CUBN: variants seen among roughly 807,000 people sequenced by gnomAD.
CUBN encodes 460 kDa receptor.
Under a neutral mutation model 405.3 loss-of-function variants are expected in CUBN, and 282 were observed. The ratio of observed to expected loss-of-function variants is 0.70; its 90% CI spans 0.63 to 0.77. The LOEUF is 0.77. Ranked by LOEUF, CUBN falls within the 30% of genes least tolerant of loss-of-function variation. The probability of loss-of-function intolerance (pLI) is 0.00; values close to 1 mark genes in which losing one functional copy is unlikely to be tolerated. For synonymous variants in CUBN, 1,684 were observed against 1,617.0 expected (o/e 1.04, Z -0.99); for missense variants, 4,514 against 4,475.2 (o/e 1.01, Z -0.25).
intron 40 of CUBN, among the ~76,000 whole-genome samples, chr10:16,929,018 T>TGAGC (rs1842292989): frequency 1.3e-5 from 2 of 151,276 alleles, no homozygotes; most frequent in Non-Finnish European, 2.9e-5. Context: ...AAAAAACAGT[T>TGAGC]GGCTCTTTGA....
chr10:16,852,081 TTCCC>T (rs1483175216), intron 59 of CUBN, among the ~76,000 whole-genome samples: 23 of 88,700 alleles, frequency 2.6e-4, no homozygotes, highest in African/African-American at 1.0e-3. Context: ...TCCATCATCT[TTCCC>T]TCCCTCCCTC....
At chr10:16,945,884 T>C (rs193120072) in intron 36 of CUBN, among the ~76,000 whole-genome samples, 4 of 151,956 alleles carry the variant, frequency 2.6e-5, no homozygotes, top group South Asian at 2.1e-4. Context: ...AGGCCACTTA[T>C]ACCCTGAAGA....
At chr10:17,021,949 A>G (rs1210704575) in intron 27 of CUBN, among the ~76,000 whole-genome samples, 4 of 152,156 alleles carry the variant, frequency 2.6e-5, no homozygotes, top group Admixed American at 2.0e-4. Context: ...GCTTTGATAA[A>G]GGCAGGTTCC....
intron 22 of CUBN, among the ~76,000 whole-genome samples, chr10:17,060,151 C>T (rs777363226): frequency 1.7e-4 from 26 of 151,218 alleles, no homozygotes; most frequent in Non-Finnish European, 3.4e-4. Context: ...CATGGAGTTT[C>T]GCTCTTGTTG....
At chr10:17,082,300 A>C (rs760925940) in intron 17 of CUBN, among the ~76,000 whole-genome samples, 9 of 152,248 alleles carry the variant, frequency 5.9e-5, no homozygotes, top group Non-Finnish European at 1.0e-4. Flanking sequence ...AAATGAACTA[A>C]AATAAGAAGT....
At chr10:16,967,974 G>GGAGA (rs1396239239) in intron 31 of CUBN, among the ~76,000 whole-genome samples, 2 of 130,864 alleles carry the variant, frequency 1.5e-5, no homozygotes, top group Non-Finnish European at 3.3e-5. Flanking sequence ...AGAAAGACAG[G>GGAGA]GAGAGAGAGA....
In CUBN at chr10:17,020,413, T is replaced by C. The variant is rs191440698; in HGVS notation, c.4018-430A>G. On this transcript the variant is annotated intron_variant, in intron 27 of 66. Transcript: ENST00000377833. ...TAGGTGTATATATTTATAGGGTACA[T>C]GAGATACTTTGACACAGGCATGCAA... Among the ~76,000 whole-genome samples the C allele has an allele frequency of 7.2e-5, 11 of 152,314 alleles. No individual in the cohort carries two copies. In the East Asian group the frequency reaches 1.9e-3, roughly 27 times the overall value.
At chr10:16,900,282 G>A (rs1473419407) in intron 53 of CUBN, among the ~76,000 whole-genome samples, 2 of 152,206 alleles carry the variant, frequency 1.3e-5, no homozygotes, top group Admixed American at 1.3e-4. Flanking sequence ...TATTACTTGA[G>A]ATTCCCAGGT....
chr10:16,892,030 C>G (rs1374191104), intron 54 of CUBN, among the ~76,000 whole-genome samples: 3 of 152,162 alleles, frequency 2.0e-5, no homozygotes, highest in African/African-American at 7.2e-5. Flanking sequence ...AAACACATCT[C>G]TTCTCAAGGA....
At chr10:17,036,688 T>C (rs1834909262) in intron 27 of CUBN, among the ~76,000 whole-genome samples, 1 of 152,082 alleles carries the variant, frequency 6.6e-6, no homozygotes, top group African/African-American at 2.4e-5. Flanking sequence ...TTAACAGTAA[T>C]TTTTGGAAAA....
intron 53 of CUBN, 48 bp downstream of exon 53, chr10:16,900,577 C>G (rs767099191): frequency 1.5e-6 from 2 of 1,367,442 alleles, no homozygotes; most frequent in African/African-American, 1.4e-5. Flanking sequence ...TGAGTTCATA[C>G]TATACATCAC....
At chr10:16,901,903 ATATAT>A (rs1162958064) in intron 51 of CUBN, among the ~76,000 whole-genome samples, 1 of 138,422 alleles carries the variant, frequency 7.2e-6, no homozygotes, top group Non-Finnish European at 1.5e-5. Context: ...ATATATATAT[ATATAT>A]ATATATATAT....
chr10:17,055,096 G>C (rs1172128320), intron 22 of CUBN, among the ~76,000 whole-genome samples: 1 of 152,028 alleles, frequency 6.6e-6, no homozygotes, highest in African/African-American at 2.4e-5. Flanking sequence ...ACCAGGTGGA[G>C]TTCTGATGTA....
chr10:16,943,561 G>A (rs1389091181), intron 36 of CUBN, among the ~76,000 whole-genome samples: 1 of 152,086 alleles, frequency 6.6e-6, no homozygotes, highest in Non-Finnish European at 1.5e-5. Flanking sequence ...ACGCAAAATT[G>A]TTTTCTTCTG....
intron 17 of CUBN, among the ~76,000 whole-genome samples, chr10:17,084,012 G>A (rs1396181295): frequency 6.6e-6 from 1 of 152,108 alleles, no homozygotes; most frequent in Non-Finnish European, 1.5e-5. Context: ...GGTCATCTGG[G>A]CAAATCCCTT....
At chr10:17,112,241 T>G (rs2131310163) in intron 8 of CUBN, among the ~76,000 whole-genome samples, 1 of 152,270 alleles carries the variant, frequency 6.6e-6, no homozygotes, top group South Asian at 2.1e-4. Flanking sequence ...CTAAGAAAAT[T>G]ATCATATTTG....
chr10:17,064,074 C>T (rs529246562), intron 22 of CUBN, among the ~76,000 whole-genome samples: 20 of 152,318 alleles, frequency 1.3e-4, no homozygotes, highest in African/African-American at 4.6e-4. Flanking sequence ...GAATGAAGTC[C>T]AGTGAATACG....
At position 17,100,253 on chromosome 10, in the gene CUBN, G is replaced by C. The variant is rs1225862239; in HGVS notation, c.1531-14C>G. 2.0e-6 allele frequency: 3 copies of C among 1,495,560 alleles called. No individual in the cohort carries two copies. The highest frequency in any genetic ancestry group is 1.7e-4 in the Middle Eastern group (1 of 5,834). The allele number at this position is 1,495,560 out of a possible 1,614,324, so 92.6% of individuals were successfully genotyped here. A position where few individuals can be genotyped will look rare whatever the true frequency, so the allele number is the denominator to read the frequency against. The stretch of plus-strand genomic sequence containing the variant: ...GATACGCAGGACCTAAAAATACAAA[G>C]GCCACATATATTATCTTTTACTTCC... On this transcript the variant is annotated splice_polypyrimidine_tract_variant and intron_variant, in intron 13 of 66. Transcript: ENST00000377833.
At chr10:17,080,963 T>C (rs1835952560) in intron 17 of CUBN, among the ~76,000 whole-genome samples, 1 of 152,130 alleles carries the variant, frequency 6.6e-6, no homozygotes. Context: ...ACATCTTCCA[T>C]GGGTAATGTA....
Sources: gnomAD v4.1 joint callset for allele counts (sites outside exome capture counted in the v4.1 genomes callset) on GRCh38, gnomAD v4.1.1 for gene constraint, MANE v1.5 for transcripts, NCBI Gene and HGNC (gene_info 2026-07-23, HGNC 2026-07-21) for gene names.